NHERF2: variants seen among roughly 807,000 people sequenced by gnomAD.
The protein encoded by NHERF2 is Na(+)/H(+) exchange regulatory cofactor NHE-RF2.
At chr16:2,033,132 G>A in the NHERF2 span, 1 of 1,408,152 alleles carries the variant, frequency 7.1e-7, no homozygotes, top group Admixed American at 2.9e-5. Context: ...TGGGACGGAA[G>A]CCTAGCTGGG....
chr16:2,028,232 T>G, the NHERF2 span, among the ~76,000 whole-genome samples: 57 of 152,368 alleles, frequency 3.7e-4, no homozygotes, highest in African/African-American at 1.3e-3. Flanking sequence ...GTCTCCTGTT[T>G]ACCTGGTGCC....
chr16:2,033,816 C>T, the NHERF2 span, among the ~76,000 whole-genome samples: 1 of 152,186 alleles, frequency 6.6e-6, no homozygotes, highest in African/African-American at 2.4e-5. Context: ...TCTCTGGGCC[C>T]CCCTTCCCCA....
At chr16:2,030,653 C>T in the NHERF2 span, among the ~76,000 whole-genome samples, 4 of 147,404 alleles carry the variant, frequency 2.7e-5, no homozygotes, top group Non-Finnish European at 4.5e-5. Flanking sequence ...TCAAAGAGAA[C>T]CCTGGCCGGG....
chr16:2,030,751 C>T, the NHERF2 span, among the ~76,000 whole-genome samples: 1 of 151,334 alleles, frequency 6.6e-6, no homozygotes, highest in Non-Finnish European at 1.5e-5. Context: ...ACCAGCTTGA[C>T]TAATGTGGTG....
At chr16:2,037,215 C>T in the NHERF2 span, among the ~76,000 whole-genome samples, 1 of 152,302 alleles carries the variant, frequency 6.6e-6, no homozygotes, top group Admixed American at 6.5e-5. Context: ...TGCCTTCTGT[C>T]CTCTCCTGGG....
At chr16:2,037,601 G>A in the NHERF2 span, 7 of 1,612,288 alleles carry the variant, frequency 4.3e-6, no homozygotes, top group East Asian at 2.2e-5. Context: ...GGACACTGAG[G>A]TATGGATGTT....
the NHERF2 span, among the ~76,000 whole-genome samples, chr16:2,031,212 C>T: frequency 1.3e-5 from 2 of 152,222 alleles, no homozygotes; most frequent in East Asian, 1.9e-4. Flanking sequence ...GCCCGTGGGA[C>T]CTGTGGGACC....
the NHERF2 span, chr16:2,036,068 G>A: frequency 4.0e-6 from 2 of 503,992 alleles, no homozygotes; most frequent in Non-Finnish European, 7.0e-6. Context: ...CGAGCCAAAG[G>A]AATTCTCCCA....
the NHERF2 span, among the ~76,000 whole-genome samples, chr16:2,031,838 C>G: frequency 3.3e-5 from 5 of 151,190 alleles, no homozygotes; most frequent in Non-Finnish European, 7.4e-5. Context: ...ATTACAGGCG[C>G]GCACCACCAC....
At chr16:2,035,700 T>C in the NHERF2 span, 2 of 985,316 alleles carry the variant, frequency 2.0e-6, no homozygotes, top group Admixed American at 6.1e-5. Flanking sequence ...AGAGGTAACA[T>C]GGGGCAGGGC....
At chr16:2,034,235 G>C in the NHERF2 span, among the ~76,000 whole-genome samples, 1 of 152,188 alleles carries the variant, frequency 6.6e-6, no homozygotes, top group Admixed American at 6.5e-5. Context: ...GTGGCTGTGT[G>C]ATGTGTCTTT....
At chr16:2,037,493 T>G in the NHERF2 span, 3 of 1,505,846 alleles carry the variant, frequency 2.0e-6, no homozygotes, top group Non-Finnish European at 2.7e-6. Flanking sequence ...CGTGTGCAGG[T>G]GTTGTGTGTG....
At chr16:2,028,883 A>G in the NHERF2 span, among the ~76,000 whole-genome samples, 2 of 152,090 alleles carry the variant, frequency 1.3e-5, no homozygotes, top group African/African-American at 2.4e-5. Context: ...ACCGACGGCC[A>G]CCAAGCCACA....
At chr16:2,033,078 TGGGG>T in the NHERF2 span, 1 of 985,242 alleles carries the variant, frequency 1.0e-6, no homozygotes, top group Non-Finnish European at 1.2e-6. Context: ...CCCTGGGTCC[TGGGG>T]CAGGGCAGGG....
At chr16:2,031,560 G>C in the NHERF2 span, among the ~76,000 whole-genome samples, 17 of 152,136 alleles carry the variant, frequency 1.1e-4, no homozygotes, top group Non-Finnish European at 1.9e-4. Flanking sequence ...TCAGGCTCTG[G>C]GGGCTGCAGG....
the NHERF2 span, chr16:2,036,756 G>T: frequency 6.2e-7 from 1 of 1,613,218 alleles, no homozygotes; most frequent in Non-Finnish European, 8.5e-7. Flanking sequence ...GAGGGACTGC[G>T]CCATGCTGAG....
the NHERF2 span, chr16:2,037,753 C>T: frequency 6.5e-7 from 1 of 1,550,004 alleles, no homozygotes. Context: ...TGGTTGCTCC[C>T]TAGGAGGGGC....
At chr16:2,038,107 GC>G in the NHERF2 span, 1 of 1,279,532 alleles carries the variant, frequency 7.8e-7, no homozygotes, top group Non-Finnish European at 1.1e-6. Context: ...CCAGAAATCA[GC>G]CCCAGCCCCG....
At chr16:2,036,803 C>T in the NHERF2 span, 7 of 1,613,240 alleles carry the variant, frequency 4.3e-6, no homozygotes, top group East Asian at 2.2e-5. Flanking sequence ...GGACGAGGCC[C>T]GGCTGCTGGT....
Sources: allele counts gnomAD v4.1 joint callset (sites outside exome capture counted in the v4.1 genomes callset), GRCh38; gene constraint gnomAD v4.1.1; transcripts MANE v1.5; gene names NCBI Gene and HGNC (gene_info 2026-07-23, HGNC 2026-07-21).